Variants in METAP2 observed in about 807,000 individuals in gnomAD.
METAP2 encodes methionyl aminopeptidase 2.
METAP2 carries 25 observed loss-of-function variants against 59.4 expected under a neutral mutation model. That is an observed-to-expected ratio of 0.42 (90% confidence interval 0.31 to 0.59). METAP2 has a LOEUF of 0.59. METAP2 is among the 20% of genes least tolerant of loss of function. The pLI, the probability that METAP2 is intolerant of heterozygous loss-of-function variation, is 0.16. For missense variants in METAP2, 366 were observed against 581.2 expected (o/e 0.63, Z 3.81); for synonymous variants, 214 against 194.1 (o/e 1.10, Z -0.85).
Position 95,485,904 on chromosome 12 carries a change from A to T in METAP2, c.351A>T (p.Ser117=). 1.9e-6 allele frequency: 3 copies of T among 1,577,068 alleles called. No individual in the cohort carries two copies. Among genetic ancestry groups the T allele is most frequent in the Non-Finnish European group, 2.6e-6 (3 of 1,166,756 alleles). Residue 117 remains serine, a synonymous_variant, in exon 4 of 11, where the codon TCA becomes TCT. Transcript: ENST00000323666. ...RGPKVQTDPP[S]VPICDLYPNG... ...CAAAAGTTCAAACAGACCCTCCCTC[A>T]GTTCCAATATGTGACCTGTATCCTA... is the stretch of plus-strand genomic sequence containing the variant.
intron 8 of METAP2, among the ~76,000 whole-genome samples, chr12:95,506,833 C>CA (rs541971974): frequency 7.5e-4 from 68 of 90,816 alleles, no homozygotes; most frequent in African/African-American, 3.4e-3. Context: ...TTTATTGAGA[C>CA]AGAGTCTTAC....
intron 4 of METAP2, among the ~76,000 whole-genome samples, chr12:95,489,119 A>G (rs977948435): frequency 8.5e-5 from 13 of 152,070 alleles, no homozygotes; most frequent in African/African-American, 2.9e-4. Context: ...AAATATTTCA[A>G]TCCCGTTTCT....
chr12:95,481,064 T>A (rs2769472), intron 2 of METAP2, among the ~76,000 whole-genome samples: 11,939 of 152,212 alleles, frequency 0.078, 626 homozygotes, highest in Non-Finnish European at 0.12. Context: ...ACTCTTTTTT[T>A]TAAAATATGA....
chr12:95,500,940 A>T (rs1354575329), intron 7 of METAP2, among the ~76,000 whole-genome samples: 1 of 150,600 alleles, frequency 6.6e-6, no homozygotes, highest in African/African-American at 2.4e-5. Context: ...AGGAGGTATT[A>T]GTTCTTTAAA....
intron 7 of METAP2, among the ~76,000 whole-genome samples, chr12:95,502,013 T>C (rs1161790536): frequency 1.0e-4 from 14 of 140,192 alleles, no homozygotes; most frequent in Admixed American, 3.0e-4. Flanking sequence ...TTTTTTTTTT[T>C]CCAAATTGAA....
intron 9 of METAP2, 52 bp downstream of exon 9, chr12:95,512,050 A>T (rs2076406844): frequency 1.5e-6 from 2 of 1,291,312 alleles, no homozygotes; most frequent in Non-Finnish European, 2.2e-6. Context: ...TTTTCTTCCA[A>T]GCAGAAGGTC....
chr12:95,506,513 A>G (rs1309356987), intron 8 of METAP2, among the ~76,000 whole-genome samples: 3 of 151,792 alleles, frequency 2.0e-5, no homozygotes, highest in Non-Finnish European at 4.4e-5. Context: ...ATTTGCCAGG[A>G]TGGTCTCAAT....
At chr12:95,494,268 T>C (rs1025031661) in intron 5 of METAP2, 51 bp downstream of exon 5, 3 of 1,511,418 alleles carry the variant, frequency 2.0e-6, no homozygotes, top group Non-Finnish European at 2.7e-6. Flanking sequence ...TTTTATTAAG[T>C]ACTAACTCTC....
intron 7 of METAP2, among the ~76,000 whole-genome samples, chr12:95,502,589 C>A (rs1219228792): frequency 6.6e-6 from 1 of 151,412 alleles, no homozygotes; most frequent in African/African-American, 2.4e-5. Flanking sequence ...TTTTTGAGTT[C>A]TTTGAACTTC....
chr12:95,483,029 A>G (rs1004093733), intron 2 of METAP2, among the ~76,000 whole-genome samples, 186 bp from the exon 3 acceptor site: 43 of 152,318 alleles, frequency 2.8e-4, no homozygotes, highest in African/African-American at 1.0e-3. Flanking sequence ...GACTATAGGC[A>G]TGTGCCACCA....
intron 8 of METAP2, among the ~76,000 whole-genome samples, chr12:95,505,864 G>A (rs1017544977): frequency 1.3e-5 from 2 of 151,626 alleles, no homozygotes; most frequent in African/African-American, 4.8e-5. Flanking sequence ...GGAGGCCAAA[G>A]TGGGTGGGTC....
intron 8 of METAP2, among the ~76,000 whole-genome samples, chr12:95,506,882 T>G (rs531998532): frequency 2.0e-5 from 3 of 152,090 alleles, no homozygotes; most frequent in Admixed American, 6.5e-5. Context: ...TGGTGCAGTC[T>G]TGGATCACTA....
intron 8 of METAP2, among the ~76,000 whole-genome samples, chr12:95,508,776 C>T (rs1434527316): frequency 6.6e-6 from 1 of 152,178 alleles, no homozygotes; most frequent in East Asian, 1.9e-4. Flanking sequence ...CAGCCTGCAA[C>T]ATCGGGATTT....
intron 8 of METAP2, among the ~76,000 whole-genome samples, chr12:95,509,596 C>G (rs1433346628): frequency 6.6e-6 from 1 of 152,136 alleles, no homozygotes; most frequent in East Asian, 1.9e-4. Context: ...TTTTCATTAT[C>G]AGGTGTATAA....
intron 2 of METAP2, among the ~76,000 whole-genome samples, chr12:95,481,752 G>T (rs1455784074): frequency 6.6e-6 from 1 of 152,202 alleles, no homozygotes; most frequent in African/African-American, 2.4e-5. Context: ...CAGATGGAAA[G>T]ATTTTTAGTA....
intron 7 of METAP2, among the ~76,000 whole-genome samples, chr12:95,501,889 G>A (rs1414911735): frequency 2.7e-5 from 4 of 150,374 alleles, no homozygotes. Context: ...AGTATCCTTT[G>A]CAGGGCATTT....
chr12:95,513,267 T>A lies in METAP2; in HGVS notation c.1184+351T>A, dbSNP rs113489692. Among the ~76,000 whole-genome samples the A allele has an allele frequency of 3.3e-5, 5 of 152,326 alleles. 1 individual carries two copies. Among genetic ancestry groups the A allele is most frequent in the African/African-American group, 1.2e-4 (5 of 41,576 alleles). ...CAGCGTCTTTCAATTTACATTGAAA[T>A]TTTTTAACATTTGAAGATGATTGAA... is the stretch of plus-strand genomic sequence containing the variant. On this transcript the variant is annotated intron_variant, in intron 10 of 10. Coordinates refer to ENST00000323666, the MANE Select transcript of METAP2 (RefSeq NM_006838.4).
intron 2 of METAP2, 71 bp from the exon 3 acceptor site, chr12:95,483,144 C>G: frequency 9.1e-7 from 1 of 1,101,328 alleles, no homozygotes; most frequent in Non-Finnish European, 1.4e-6. Flanking sequence ...AAATACTTGT[C>G]TCCTTGTACT....
chr12:95,509,836 T>TCCC (rs1246108706), intron 8 of METAP2, among the ~76,000 whole-genome samples: 10,789 of 121,334 alleles, frequency 0.089, 381 homozygotes, highest in Non-Finnish European at 0.11. Context: ...TTTTAAGACC[T>TCCC]CCCCCCCAAC....
Sources: gnomAD v4.1 joint callset for allele counts (sites outside exome capture counted in the v4.1 genomes callset) on GRCh38, gnomAD v4.1.1 for gene constraint, MANE v1.5 for transcripts, NCBI Gene and HGNC (gene_info 2026-07-23, HGNC 2026-07-21) for gene names.